ARIH2: variants seen among roughly 807,000 people sequenced by gnomAD.
ARIH2 encodes E3 ubiquitin-protein ligase ARIH2.
In ARIH2, 12 loss-of-function variants were observed where a neutral mutation model predicts 79.8. The observed-to-expected ratio is 0.15, with a 90% confidence interval of 0.10 to 0.24. The LOEUF (loss-of-function observed/expected upper bound fraction) is 0.24. Among genes scored for constraint, ARIH2 ranks in the 10% least tolerant of loss-of-function variants. The pLI is 1.00. For missense variants in ARIH2, 301 were observed against 618.3 expected, an observed-to-expected ratio of 0.49 and a Z score of 5.44; for synonymous variants, 224 against 213.9, an observed-to-expected ratio of 1.05 and a Z score of -0.41.
At chr3:48,953,181 C>G (rs1266330078) in intron 3 of ARIH2, among the ~76,000 whole-genome samples, 8 of 152,066 alleles carry the variant, frequency 5.3e-5, no homozygotes, top group African/African-American at 1.7e-4. Flanking sequence ...CTGCCCGCCT[C>G]GGCCTCCCAA....
intron 3 of ARIH2, among the ~76,000 whole-genome samples, chr3:48,932,922 C>A (rs1490170808): frequency 1.3e-5 from 2 of 152,018 alleles, no homozygotes; most frequent in African/African-American, 4.8e-5. Flanking sequence ...CCTGGCTCCA[C>A]AGGGCAATGG....
In ARIH2 at chr3:48,984,885, T is replaced by A. The variant is rs1316466962; in HGVS notation, c.*1615T>A. ...ATGAGGTCCATGGCTGGTTGCAGGTTCCCTTTTTCCTTCCTCAGGTTTTGT... is the reference window on the plus strand; with the variant it reads ...ATGAGGTCCATGGCTGGTTGCAGGTACCCTTTTTCCTTCCTCAGGTTTTGT... On this transcript the variant is annotated 3_prime_UTR_variant, in exon 16 of 16. Transcript: ENST00000356401. The A allele has an allele frequency of 6.6e-6, 1 of 152,256 alleles. No individual in the cohort carries two copies. The highest frequency in any genetic ancestry group is 1.5e-5 in the Non-Finnish European group (1 of 68,082). The allele number at this position is 152,256 out of a possible 1,614,324, so 9.4% of individuals were successfully genotyped here.
intron 5 of ARIH2, 76 bp from the exon 6 acceptor site, chr3:48,967,049 C>G (rs1216785447): frequency 6.8e-7 from 1 of 1,479,688 alleles, no homozygotes; most frequent in Non-Finnish European, 9.2e-7. Context: ...TTTCCATGCA[C>G]CCGGCTGCAT....
chr3:48,961,746 A>T, intron 4 of ARIH2, 67 bp downstream of exon 4: 1 of 1,074,908 alleles, frequency 9.3e-7, no homozygotes, highest in Non-Finnish European at 1.4e-6. Flanking sequence ...ATTATTGTTT[A>T]CATTTTGGAC....
At chr3:48,956,822 C>G (rs1438168111) in intron 3 of ARIH2, among the ~76,000 whole-genome samples, 1 of 151,864 alleles carries the variant, frequency 6.6e-6, no homozygotes, top group Non-Finnish European at 1.5e-5. Context: ...CCTCAGCCTC[C>G]TGATTTCCCA....
intron 4 of ARIH2, 38 bp from the exon 5 acceptor site, chr3:48,964,881 G>C (rs1360244853): frequency 6.4e-7 from 1 of 1,556,442 alleles, no homozygotes; most frequent in Non-Finnish European, 8.9e-7. Context: ...AATGTCTTTA[G>C]CTTCTGATTG....
chr3:48,924,359 T>C (rs1460497044), intron 2 of ARIH2, among the ~76,000 whole-genome samples: 1 of 151,732 alleles, frequency 6.6e-6, no homozygotes, highest in Non-Finnish European at 1.5e-5. Flanking sequence ...TGAATTATTA[T>C]TATTATTATT....
At position 48,919,012 on chromosome 3, in the gene ARIH2, G is replaced by T; in HGVS notation, c.-162+14G>T. On this transcript the variant is annotated intron_variant, in intron 1 of 15. Transcript: ENST00000356401. The stretch of plus-strand genomic sequence containing the variant: ...CCGCAGCTCCCGGTAAGTGCGCGGC[G>T]CACGTCACGGCCTTGTTTACCTTGG... 1 of 1,430,746 alleles carries T rather than the reference G, an allele frequency of 7.0e-7. No homozygotes were observed. 88.6% of individuals were successfully genotyped at this position (1,430,746 alleles called of 1,614,324 possible). A position where few individuals can be genotyped will look rare whatever the true frequency, so the allele number is the denominator to read the frequency against.
intron 11 of ARIH2, among the ~76,000 whole-genome samples, chr3:48,976,827 C>T (rs752451576): frequency 6.6e-5 from 10 of 152,106 alleles, no homozygotes; most frequent in Non-Finnish European, 1.3e-4. Flanking sequence ...TCACTTGAAC[C>T]CCGGAGGTGG....
chr3:48,983,606 C>CAA lies in ARIH2; in HGVS notation c.*349_*350dup, dbSNP rs60243443. Reference sequence around the variant, plus strand: ...AACTTTCAAAGGTTGTACAATTATACAAAAAAAAAAAAAAGGCAAACTATA... The same window carrying CAA: ...AACTTTCAAAGGTTGTACAATTATACAAAAAAAAAAAAAAAAGGCAAACTATA... On this transcript the variant is annotated 3_prime_UTR_variant, in exon 16 of 16. Coordinates refer to ENST00000356401, the MANE Select transcript of ARIH2 (RefSeq NM_006321.4). 1,653 of 151,662 alleles carry CAA rather than the reference C, an allele frequency of 0.011. 11 individuals carry two copies. Among genetic ancestry groups the CAA allele is most frequent in the Middle Eastern group, 0.019 (6 of 322 alleles). 9.4% of individuals were successfully genotyped at this position (151,662 alleles called of 1,614,324 possible). A position where few individuals can be genotyped will look rare whatever the true frequency, so the allele number is the denominator to read the frequency against.
intron 15 of ARIH2, 66 bp from the exon 16 acceptor site, chr3:48,983,133 G>A: frequency 6.3e-7 from 1 of 1,586,114 alleles, no homozygotes; most frequent in Admixed American, 1.7e-5. Context: ...GGGTGTTTGT[G>A]GCTTTGGCTA....
At chr3:48,921,760 T>C (rs962812898) in intron 1 of ARIH2, among the ~76,000 whole-genome samples, 3 of 151,894 alleles carry the variant, frequency 2.0e-5, no homozygotes, top group Non-Finnish European at 4.4e-5. Context: ...CTTTTTTTTT[T>C]TCTTTTTTGA....
intron 3 of ARIH2, among the ~76,000 whole-genome samples, chr3:48,945,552 A>G (rs1166586409): frequency 1.3e-5 from 2 of 152,156 alleles, no homozygotes; most frequent in African/African-American, 4.8e-5. Flanking sequence ...TGTGTGCTAG[A>G]AAGGGTCCTA....
At chr3:48,981,993 A>G (rs538474789) in intron 14 of ARIH2, among the ~76,000 whole-genome samples, 46 of 152,366 alleles carry the variant, frequency 3.0e-4, no homozygotes, top group Non-Finnish European at 5.9e-4. Flanking sequence ...GTCTGTGGCC[A>G]GTGGGAGGCC....
intron 13 of ARIH2, 145 bp from the exon 14 acceptor site, chr3:48,981,515 A>G (rs897704478): frequency 3.8e-5 from 20 of 527,186 alleles, no homozygotes; most frequent in East Asian, 2.3e-4. Context: ...TTCATCCTCT[A>G]TTTGGCCTAG....
intron 3 of ARIH2, among the ~76,000 whole-genome samples, chr3:48,930,454 G>C (rs962014373): frequency 1.3e-5 from 2 of 152,066 alleles, no homozygotes; most frequent in African/African-American, 4.8e-5. Flanking sequence ...CTATACTCCA[G>C]CTTGGGCTAC....
chr3:48,979,341 C>T (rs974738307), intron 11 of ARIH2, 141 bp from the exon 12 acceptor site: 6 of 768,322 alleles, frequency 7.8e-6, no homozygotes, highest in Admixed American at 5.4e-5. Flanking sequence ...GGTGCACATT[C>T]CTTCGGGAAA....
intron 5 of ARIH2, 91 bp downstream of exon 5, chr3:48,965,073 C>G: frequency 7.8e-7 from 1 of 1,281,262 alleles, no homozygotes; most frequent in Non-Finnish European, 1.1e-6. Flanking sequence ...CTTTACTTGG[C>G]TGGGTGCGGT....
intron 4 of ARIH2, among the ~76,000 whole-genome samples, chr3:48,963,351 T>C (rs1376714458): frequency 6.6e-6 from 1 of 152,208 alleles, no homozygotes; most frequent in Non-Finnish European, 1.5e-5. Flanking sequence ...GAGATTTGGA[T>C]GGCAAAAGAT....
Sources: gnomAD v4.1 joint callset for allele counts (sites outside exome capture counted in the v4.1 genomes callset) on GRCh38, gnomAD v4.1.1 for gene constraint, MANE v1.5 for transcripts, NCBI Gene and HGNC (gene_info 2026-07-23, HGNC 2026-07-21) for gene names.